Variants in ADAMTSL1 observed in about 807,000 individuals in gnomAD.
ADAMTSL1 encodes ADAMTS like 1.
Under a neutral mutation model 201.8 loss-of-function variants are expected in ADAMTSL1, and 126 were observed. That is an observed-to-expected ratio of 0.62 (90% CI 0.54 to 0.72). ADAMTSL1 has a LOEUF of 0.72. Ranked by LOEUF, ADAMTSL1 falls within the 30% of genes least tolerant of loss-of-function variation. The pLI is 0.00. For synonymous variants in ADAMTSL1, 1,121 were observed against 903.4 expected (o/e 1.24, Z -4.32); for missense variants, 2,679 against 2,277.8 (o/e 1.18, Z -3.59).
At chr9:18,780,140 TG>T (rs2133774039) in intron 19 of ADAMTSL1, among the ~76,000 whole-genome samples, 2 of 152,310 alleles carry the variant, frequency 1.3e-5, no homozygotes, top group African/African-American at 4.8e-5. Flanking sequence ...CCAAGGCCCA[TG>T]GCCCATCTAG....
At chr9:18,862,347 G>A (rs992897421) in intron 23 of ADAMTSL1, among the ~76,000 whole-genome samples, 5 of 152,276 alleles carry the variant, frequency 3.3e-5, no homozygotes, top group African/African-American at 9.6e-5. Context: ...GCTGGCTTTT[G>A]TTTTTCCTCC....
intron 1 of ADAMTSL1, among the ~76,000 whole-genome samples, chr9:18,497,935 G>A (rs117153623): frequency 0.018 from 2,681 of 152,140 alleles, 33 homozygotes; most frequent in Non-Finnish European, 0.028. Context: ...GAACAGAGTC[G>A]GATTTTTGTT....
At chr9:18,684,158 C>T (rs1321249237) in intron 12 of ADAMTSL1, among the ~76,000 whole-genome samples, 2 of 151,986 alleles carry the variant, frequency 1.3e-5, no homozygotes, top group South Asian at 2.1e-4. Context: ...TGTTATGAAC[C>T]CTCATTTGCA....
At chr9:18,649,349 C>G (rs1312712688) in intron 7 of ADAMTSL1, among the ~76,000 whole-genome samples, 4 of 151,896 alleles carry the variant, frequency 2.6e-5, no homozygotes, top group African/African-American at 9.7e-5. Flanking sequence ...TCCTGTAGCT[C>G]GGAGTGGTTT....
chr9:18,150,131 C>G (rs956080003), intron 1 of ADAMTSL1, among the ~76,000 whole-genome samples: 71 of 152,130 alleles, frequency 4.7e-4, no homozygotes, highest in African/African-American at 1.6e-3. Flanking sequence ...AATAAAGGTA[C>G]ATATATTTGA....
chr9:18,849,136 C>T (rs1483008273), intron 23 of ADAMTSL1, among the ~76,000 whole-genome samples: 1 of 152,156 alleles, frequency 6.6e-6, no homozygotes, highest in Non-Finnish European at 1.5e-5. Context: ...GTCATGTCTC[C>T]CAGCTAGATC....
chr9:18,721,943 C>G (rs1026008520), intron 15 of ADAMTSL1, among the ~76,000 whole-genome samples: 1 of 152,186 alleles, frequency 6.6e-6, no homozygotes, highest in African/African-American at 2.4e-5. Flanking sequence ...TTGCTTTCCC[C>G]TAAAGGGAAC....
intron 1 of ADAMTSL1, among the ~76,000 whole-genome samples, chr9:17,980,610 G>C (rs2131462788): frequency 6.6e-6 from 1 of 152,122 alleles, no homozygotes; most frequent in East Asian, 1.9e-4. Context: ...GGGGTTGGGA[G>C]GTGGGGTTTT....
chr9:18,522,635 C>G (rs1274650025), intron 2 of ADAMTSL1, among the ~76,000 whole-genome samples: 5 of 147,036 alleles, frequency 3.4e-5, no homozygotes, highest in Admixed American at 3.4e-4. Flanking sequence ...GTTCCCCTTC[C>G]TGTGTCCAAG....
intron 7 of ADAMTSL1, among the ~76,000 whole-genome samples, chr9:18,650,146 T>G (rs1828130770): frequency 6.6e-6 from 1 of 152,222 alleles, no homozygotes; most frequent in African/African-American, 2.4e-5. Context: ...GATCTCTGAC[T>G]GCTTTGCTAG....
At chr9:18,491,053 A>G (rs1021855902) in intron 1 of ADAMTSL1, among the ~76,000 whole-genome samples, 3 of 152,196 alleles carry the variant, frequency 2.0e-5, no homozygotes, top group African/African-American at 7.2e-5. Context: ...TAAAAAGAAG[A>G]GAAAGTGCTT....
intron 19 of ADAMTSL1, among the ~76,000 whole-genome samples, chr9:18,781,569 G>A (rs951536104): frequency 6.6e-6 from 1 of 152,210 alleles, no homozygotes; most frequent in Non-Finnish European, 1.5e-5. Flanking sequence ...GGACTGCTTT[G>A]CTGTGGGCTG....
chr9:18,794,551 T>A (rs67629067), intron 19 of ADAMTSL1, among the ~76,000 whole-genome samples: 37,844 of 151,846 alleles, frequency 0.25, 4,820 homozygotes, highest in Admixed American at 0.31. Context: ...TGTAAGATCC[T>A]CTCAATATGC....
intron 4 of ADAMTSL1, among the ~76,000 whole-genome samples, chr9:18,609,853 T>C (rs1013457277): frequency 6.6e-6 from 1 of 152,216 alleles, no homozygotes; most frequent in African/African-American, 2.4e-5. Flanking sequence ...TGGATCTTTT[T>C]ATATAAGCTA....
chr9:18,728,461 G>GA (rs891503384), intron 15 of ADAMTSL1, among the ~76,000 whole-genome samples: 5 of 150,630 alleles, frequency 3.3e-5, no homozygotes, highest in Non-Finnish European at 5.9e-5. Context: ...CCAATTCAGA[G>GA]AAAAAAAAAA....
chr9:18,655,648 AAAAC>A (rs1024964678), intron 7 of ADAMTSL1, among the ~76,000 whole-genome samples: 4 of 152,152 alleles, frequency 2.6e-5, no homozygotes, highest in African/African-American at 7.2e-5. Flanking sequence ...GTAAAAAACA[AAAAC>A]AAACAAACAA....
intron 2 of ADAMTSL1, among the ~76,000 whole-genome samples, chr9:18,302,367 G>A (rs1833739606): frequency 6.6e-6 from 1 of 152,316 alleles, no homozygotes; most frequent in Middle Eastern, 3.4e-3. Context: ...ACTTAGTGAT[G>A]AAAGTATGTG....
intron 1 of ADAMTSL1, among the ~76,000 whole-genome samples, chr9:18,050,269 C>T (rs1237424384): frequency 6.6e-6 from 1 of 152,096 alleles, no homozygotes; most frequent in African/African-American, 2.4e-5. Flanking sequence ...TCTTTATGCT[C>T]ATTTTTAAAT....
intron 2 of ADAMTSL1, among the ~76,000 whole-genome samples, chr9:18,464,865 T>C (rs747934208): frequency 1.3e-5 from 2 of 152,196 alleles, no homozygotes; most frequent in Non-Finnish European, 2.9e-5. Context: ...TTTAAAACTA[T>C]AGACTGAGAA....
Sources: gnomAD v4.1 joint callset for allele counts (sites outside exome capture counted in the v4.1 genomes callset) on GRCh38, gnomAD v4.1.1 for gene constraint, MANE v1.5 for transcripts, NCBI Gene and HGNC (gene_info 2026-07-23, HGNC 2026-07-21) for gene names.